The following MAPK4 variants were observed in gnomAD, a reference collection of about 807,000 sequenced individuals.
MAPK4 encodes the protein mitogen-activated protein kinase 4, also known as Erk3-related.
Under a neutral mutation model 47.7 loss-of-function variants are expected in MAPK4, and 22 were observed. The ratio of observed to expected loss-of-function variants is 0.46; its 90% CI spans 0.33 to 0.66. The LOEUF (loss-of-function observed/expected upper bound fraction) is 0.66. Ranked by LOEUF, MAPK4 falls within the 30% of genes least tolerant of loss-of-function variation. MAPK4 has a pLI of 0.02. For missense variants in MAPK4, 736 were observed against 831.7 expected, an observed-to-expected ratio of 0.88 and a Z score of 1.42; for synonymous variants, 390 against 365.7, an observed-to-expected ratio of 1.07 and a Z score of -0.76.
intron 1 of MAPK4, among the ~76,000 whole-genome samples, chr18:50,635,123 A>C (rs1345017099): frequency 6.6e-6 from 1 of 152,188 alleles, no homozygotes; most frequent in Non-Finnish European, 1.5e-5. Context: ...AGGGCTTCCT[A>C]TGGTGCTTGG....
Position 50,716,604 on chromosome 18 carries a change from C to A in MAPK4, c.691+1381C>A, listed in dbSNP as rs1271197078. Among the ~76,000 whole-genome samples, 4 of 152,222 alleles carry A rather than the reference C, an allele frequency of 2.6e-5. 1 individual carries two copies. The highest frequency in any genetic ancestry group is 2.4e-5 in the African/African-American group (1 of 41,448). ...CACACGCTCTGGCTGCAGCATGAGC[C>A]CCGTGGGCCTGCCTCCTTGCCACCT... On this transcript the variant is annotated intron_variant, in intron 3 of 5. Transcript: ENST00000400384.
chr18:50,698,096 T>C (rs542555957), intron 2 of MAPK4, among the ~76,000 whole-genome samples: 1 of 152,330 alleles, frequency 6.6e-6, no homozygotes, highest in South Asian at 2.1e-4. Flanking sequence ...TGGGACCAGA[T>C]TACATTTATT....
chr18:50,567,752 GT>G lies in MAPK4; in HGVS notation c.-871+7510del, dbSNP rs1226841191. On this transcript the variant is annotated intron_variant, in intron 1 of 5. Transcript: ENST00000400384. The stretch of plus-strand genomic sequence containing the variant: ...ACTTTGTGTGTGTGTGTGTGTGTGT[GT>G]GGGTGGGTGTGGTGTTTGTTGTTGT... Among the ~76,000 whole-genome samples, 7 of 151,680 alleles carry G rather than the reference GT, an allele frequency of 4.6e-5. No individual in the cohort carries two copies. The South Asian group carries it at 8.3e-4, about 18-fold the overall frequency.
chr18:50,726,885 C>A (rs1911232075), intron 5 of MAPK4, among the ~76,000 whole-genome samples: 1 of 151,762 alleles, frequency 6.6e-6, no homozygotes, highest in South Asian at 2.1e-4. Flanking sequence ...TTAACGGGGG[C>A]TACATTATTA....
At chr18:50,657,043 C>T (rs1424852712) in intron 1 of MAPK4, among the ~76,000 whole-genome samples, 2 of 152,216 alleles carry the variant, frequency 1.3e-5, no homozygotes, top group African/African-American at 2.4e-5. Context: ...CACTCCTCTG[C>T]CACCTCCCCA....
intron 1 of MAPK4, among the ~76,000 whole-genome samples, chr18:50,634,244 G>A (rs893567410): frequency 6.6e-6 from 1 of 151,950 alleles, no homozygotes; most frequent in Non-Finnish European, 1.5e-5. Context: ...CACCTGGTGT[G>A]CATTAATTCA....
chr18:50,578,169 GC>G (rs2042314127), intron 1 of MAPK4, among the ~76,000 whole-genome samples: 1 of 152,160 alleles, frequency 6.6e-6, no homozygotes, highest in Non-Finnish European at 1.5e-5. Context: ...TCTGCATCTG[GC>G]CCCCAGGTGA....
chr18:50,683,478 G>T (rs1463106677), intron 2 of MAPK4, among the ~76,000 whole-genome samples: 3 of 151,862 alleles, frequency 2.0e-5, no homozygotes, highest in African/African-American at 7.3e-5. Context: ...GTGTGTGTGT[G>T]TGTGTGTGTG....
At chr18:50,681,200 A>G (rs2144315883) in intron 2 of MAPK4, among the ~76,000 whole-genome samples, 1 of 152,182 alleles carries the variant, frequency 6.6e-6, no homozygotes, top group Middle Eastern at 3.4e-3. Flanking sequence ...GGCCATTAGT[A>G]TATCTTCTCT....
intron 1 of MAPK4, among the ~76,000 whole-genome samples, chr18:50,652,468 A>G (rs566949072): frequency 2.0e-5 from 3 of 152,276 alleles, no homozygotes; most frequent in Non-Finnish European, 4.4e-5. Context: ...CAAGAACTCT[A>G]TGAAATTTAA....
At chr18:50,687,427 A>G (rs1237243475) in intron 2 of MAPK4, among the ~76,000 whole-genome samples, 3 of 152,232 alleles carry the variant, frequency 2.0e-5, no homozygotes, top group Non-Finnish European at 2.9e-5. Context: ...ACATTGCCAA[A>G]TATCCTTGGG....
At chr18:50,700,697 A>C (rs562851627) in intron 2 of MAPK4, among the ~76,000 whole-genome samples, 13 of 152,268 alleles carry the variant, frequency 8.5e-5, no homozygotes, top group African/African-American at 3.1e-4. Flanking sequence ...GGACATTTGC[A>C]TTCTCTTTGC....
At chr18:50,585,742 G>T (rs886564652) in intron 1 of MAPK4, among the ~76,000 whole-genome samples, 2 of 152,224 alleles carry the variant, frequency 1.3e-5, no homozygotes, top group East Asian at 1.9e-4. Flanking sequence ...AAGAAAAGAG[G>T]TTTAATTGAC....
At chr18:50,602,862 G>T (rs1477928183) in intron 1 of MAPK4, among the ~76,000 whole-genome samples, 2 of 152,048 alleles carry the variant, frequency 1.3e-5, no homozygotes, top group African/African-American at 4.8e-5. Context: ...CCTGCTTCAG[G>T]GAAGACCTCT....
chr18:50,610,687 C>T (rs1033685619), intron 1 of MAPK4, among the ~76,000 whole-genome samples: 24 of 152,150 alleles, frequency 1.6e-4, no homozygotes, highest in Admixed American at 3.3e-4. Context: ...AAATGGTAGA[C>T]GTTATTGTGC....
chr18:50,717,946 G>T (rs975323463), intron 3 of MAPK4, among the ~76,000 whole-genome samples: 5 of 152,236 alleles, frequency 3.3e-5, no homozygotes, highest in Non-Finnish European at 5.9e-5. Context: ...GATGGGGAGA[G>T]GGATTGCTGT....
intron 1 of MAPK4, among the ~76,000 whole-genome samples, chr18:50,568,013 G>A (rs1041423700): frequency 6.6e-6 from 1 of 151,840 alleles, no homozygotes; most frequent in African/African-American, 2.4e-5. Flanking sequence ...TGGCTAACAC[G>A]GTGAAACCCC....
intron 1 of MAPK4, among the ~76,000 whole-genome samples, chr18:50,599,657 G>A (rs1473576394): frequency 2.6e-5 from 4 of 152,036 alleles, no homozygotes; most frequent in Admixed American, 6.5e-5. Flanking sequence ...GGGCTCAAGC[G>A]GTCCACCTCC....
chr18:50,674,222 A>G (rs1412477976), intron 2 of MAPK4, among the ~76,000 whole-genome samples: 1 of 152,246 alleles, frequency 6.6e-6, no homozygotes, highest in Non-Finnish European at 1.5e-5. Flanking sequence ...CATCTCAGGA[A>G]CAGGACACTG....
Sources: gnomAD v4.1 joint callset for allele counts (sites outside exome capture counted in the v4.1 genomes callset) on GRCh38, gnomAD v4.1.1 for gene constraint, MANE v1.5 for transcripts, NCBI Gene and HGNC (gene_info 2026-07-23, HGNC 2026-07-21) for gene names.